Variants in FOCAD observed in about 807,000 individuals in gnomAD.
FOCAD encodes the protein KIAA1797.
A neutral mutation model predicts 225.6 loss-of-function variants in FOCAD; 198 were observed. The ratio of observed to expected loss-of-function variants is 0.88; its 90% CI spans 0.78 to 0.99. FOCAD has a LOEUF of 0.99. Ranked by LOEUF, FOCAD falls within the 50% of genes least tolerant of loss-of-function variation. The pLI is 0.00. For missense variants in FOCAD, 2,713 were observed against 2,123.6 expected (o/e 1.28, Z -5.46); for synonymous variants, 897 against 755.0 (o/e 1.19, Z -3.08).
intron 27 of FOCAD, 21 bp downstream of exon 27, chr9:20,929,617 C>G: frequency 6.3e-7 from 1 of 1,599,594 alleles, no homozygotes; most frequent in South Asian, 1.1e-5. Context: ...TTAAAATATT[C>G]CTGCTTTTCT....
At chr9:20,989,983 T>A (rs1841503965) in intron 41 of FOCAD, 140 bp from the exon 42 acceptor site, 1 of 854,492 alleles carries the variant, frequency 1.2e-6, no homozygotes, top group African/African-American at 1.7e-5. Flanking sequence ...GTTCCTCTTC[T>A]GGGTGGGGGT....
At chr9:20,970,621 T>A (rs1180284640) in intron 35 of FOCAD, among the ~76,000 whole-genome samples, 2 of 152,228 alleles carry the variant, frequency 1.3e-5, no homozygotes, top group African/African-American at 4.8e-5. Context: ...TCCATAATTT[T>A]CTTTAGCTGA....
At chr9:20,928,085 T>C (rs372715961) in intron 26 of FOCAD, among the ~76,000 whole-genome samples, 49 of 152,348 alleles carry the variant, frequency 3.2e-4, no homozygotes, top group African/African-American at 9.1e-4. Context: ...ATGAAAACTT[T>C]AGATGCTTAT....
intron 21 of FOCAD, among the ~76,000 whole-genome samples, chr9:20,891,600 G>T (rs540494817): frequency 1.3e-4 from 20 of 152,302 alleles, no homozygotes; most frequent in Middle Eastern, 3.4e-3. Flanking sequence ...TCTAGAGGAA[G>T]ACTCTAACAC....
intron 15 of FOCAD, among the ~76,000 whole-genome samples, chr9:20,839,215 A>C (rs1326415416): frequency 1.4e-5 from 2 of 145,784 alleles, no homozygotes; most frequent in East Asian, 4.0e-4. Flanking sequence ...TATAAGGTTT[A>C]TGTGAGGCAC....
chr9:20,691,084 C>T (rs879658981), intron 1 of FOCAD, among the ~76,000 whole-genome samples: 1 of 151,626 alleles, frequency 6.6e-6, no homozygotes, highest in Non-Finnish European at 1.5e-5. Flanking sequence ...CTGGGATTAC[C>T]GGCATGTGCC....
intron 29 of FOCAD, among the ~76,000 whole-genome samples, chr9:20,945,053 A>G (rs1837047519): frequency 6.6e-6 from 1 of 152,196 alleles, no homozygotes; most frequent in Admixed American, 6.5e-5. Flanking sequence ...AAGAGCTGCA[A>G]TTTCTGGAAG....
chr9:20,975,696 C>A (rs1025546540), intron 35 of FOCAD, among the ~76,000 whole-genome samples: 5 of 152,210 alleles, frequency 3.3e-5, no homozygotes, highest in Admixed American at 3.3e-4. Context: ...TTTATCCAGT[C>A]AGAAAGGAAA....
intron 15 of FOCAD, among the ~76,000 whole-genome samples, chr9:20,844,669 C>G (rs1826902212): frequency 6.6e-6 from 1 of 151,864 alleles, no homozygotes; most frequent in Admixed American, 6.6e-5. Context: ...CCTCATCTAA[C>G]CATTGATGGT....
At chr9:20,714,634 G>GCCTGCCTGCCTTCCTTCCTT (rs1270720981) in intron 1 of FOCAD, among the ~76,000 whole-genome samples, 8 of 120,122 alleles carry the variant, frequency 6.7e-5, no homozygotes, top group East Asian at 2.4e-4. Context: ...CTGCCTGCCT[G>GCCTGCCTGCCTTCCTTCCTT]CCTTCCTTCC....
chr9:20,854,925 G>C (rs1828015766), intron 15 of FOCAD, among the ~76,000 whole-genome samples: 1 of 151,696 alleles, frequency 6.6e-6, no homozygotes, highest in South Asian at 2.1e-4. Flanking sequence ...AAAAACCACT[G>C]CATACCCATT....
At chr9:20,834,704 GGGGT>G (rs1825831405) in intron 15 of FOCAD, among the ~76,000 whole-genome samples, 1 of 151,960 alleles carries the variant, frequency 6.6e-6, no homozygotes, top group African/African-American at 2.4e-5. Flanking sequence ...TGGTAGTCTT[GGGGT>G]GGGAGTAGGG....
chr9:20,682,266 A>G (rs192156162), upstream of FOCAD, among the ~76,000 whole-genome samples: 3 of 152,366 alleles, frequency 2.0e-5, no homozygotes, highest in African/African-American at 4.8e-5. Context: ...TGAACATAAT[A>G]AGACGGTGTC....
At chr9:20,838,651 A>C (rs1826222413) in intron 15 of FOCAD, among the ~76,000 whole-genome samples, 1 of 152,096 alleles carries the variant, frequency 6.6e-6, no homozygotes, top group Non-Finnish European at 1.5e-5. Context: ...CTTCATAGAA[A>C]AGTGATTGGC....
chr9:20,801,711 C>T (rs1438058622), intron 11 of FOCAD, among the ~76,000 whole-genome samples: 5 of 152,118 alleles, frequency 3.3e-5, no homozygotes, highest in Non-Finnish European at 7.3e-5. Context: ...ACCATAGTTT[C>T]AGTAGCAGTA....
chr9:20,913,647 T>A (rs962003634), intron 23 of FOCAD, among the ~76,000 whole-genome samples: 1 of 152,200 alleles, frequency 6.6e-6, no homozygotes, highest in Non-Finnish European at 1.5e-5. Context: ...TTACTGACAG[T>A]TGGCTCATGT....
chr9:20,806,901 G>A (rs1435370715), intron 11 of FOCAD, among the ~76,000 whole-genome samples: 1 of 152,148 alleles, frequency 6.6e-6, no homozygotes, highest in Admixed American at 6.5e-5. Context: ...AGGCATTCAA[G>A]AAAGATTTAT....
chr9:20,820,312 A>G lies in FOCAD; in HGVS notation c.1561-12A>G, dbSNP rs1382011742. The G allele has an allele frequency of 6.3e-7, 1 of 1,589,100 alleles. No homozygotes were observed. On this transcript the variant is annotated splice_polypyrimidine_tract_variant and intron_variant, in intron 12 of 43. Transcript: ENST00000338382. The stretch of plus-strand genomic sequence containing the variant: ...AAGTTTATGCAACTAGAGTTTCTTC[A>G]ATATTTTCTAGGTGTGTATAGGACA...
At chr9:20,693,622 A>G (rs1033939343) in intron 1 of FOCAD, among the ~76,000 whole-genome samples, 5 of 152,326 alleles carry the variant, frequency 3.3e-5, no homozygotes, top group African/African-American at 1.2e-4. Flanking sequence ...AGGATTAGGT[A>G]TCTCTTCCAT....
Sources: gnomAD v4.1 joint callset for allele counts (sites outside exome capture counted in the v4.1 genomes callset) on GRCh38, gnomAD v4.1.1 for gene constraint, MANE v1.5 for transcripts, NCBI Gene and HGNC (gene_info 2026-07-23, HGNC 2026-07-21) for gene names.